Variants in PAX7 observed in about 807,000 individuals in gnomAD.
PAX7 encodes the protein paired box 7.
PAX7 carries 18 observed loss-of-function variants against 50.7 expected under a neutral mutation model. The ratio of observed to expected loss-of-function variants is 0.36; its 90% CI spans 0.25 to 0.53. The LOEUF (loss-of-function observed/expected upper bound fraction) is 0.53, where lower values mean the gene tolerates loss of function less well. PAX7 is among the 20% of genes least tolerant of loss of function. The pLI is 0.93. For synonymous variants in PAX7, 310 were observed against 290.4 expected, an observed-to-expected ratio of 1.07 and a Z score of -0.69; for missense variants, 644 against 702.9, an observed-to-expected ratio of 0.92 and a Z score of 0.95.
chr1:18,735,844 C>A lies in PAX7; in HGVS notation c.1368C>A (p.Pro456=). Residue 456 remains proline, a synonymous_variant, in exon 8 of 9, where the codon CCC becomes CCA. Transcript: ENST00000420770. This position sits in a 1 kb window ranked among gnomAD's most constrained non-coding sequence, Gnocchi z 4.0. The part of the protein sequence containing the change: ...TYSTTGYSVD[P]VAGYQYGQYG... ...GCACCACCGGCTACAGCGTGGACCC[C>A]GTGGCCGGCTATCAGTACGGCCAGT... is the stretch of plus-strand genomic sequence containing the variant. 1 of 1,614,156 alleles carries A rather than the reference C, an allele frequency of 6.2e-7. No homozygotes were observed. Among genetic ancestry groups the A allele is most frequent in the South Asian group, 1.1e-5 (1 of 91,072 alleles).
chr1:18,717,412 A>G (rs2089440499), intron 7 of PAX7, among the ~76,000 whole-genome samples: 1 of 152,086 alleles, frequency 6.6e-6, no homozygotes, highest in Non-Finnish European at 1.5e-5. Flanking sequence ...TCATTAGTTC[A>G]TTAGGGCCTT....
chr1:18,742,538 C>A (rs1022579835), intron 8 of PAX7, among the ~76,000 whole-genome samples: 19 of 152,168 alleles, frequency 1.2e-4, no homozygotes, highest in Admixed American at 1.0e-3. Flanking sequence ...GCCAGGGCTA[C>A]AGAGTCCCCC....
At chr1:18,651,863 T>TCCGGC (rs1397562625) in intron 4 of PAX7, among the ~76,000 whole-genome samples, 1 of 137,618 alleles carries the variant, frequency 7.3e-6, no homozygotes, top group African/African-American at 2.6e-5. Context: ...TGCTGAGGCT[T>TCCGGC]CCGGCCTCTG....
chr1:18,671,215 G>A (rs1486138079), intron 4 of PAX7, among the ~76,000 whole-genome samples: 1 of 152,192 alleles, frequency 6.6e-6, no homozygotes, highest in Non-Finnish European at 1.5e-5. Flanking sequence ...CTGGGCACAA[G>A]GTAGGCAAAG....
At chr1:18,688,845 T>C (rs551314076) in intron 4 of PAX7, among the ~76,000 whole-genome samples, 1 of 152,252 alleles carries the variant, frequency 6.6e-6, no homozygotes, top group Non-Finnish European at 1.5e-5. Flanking sequence ...ACCCGGGAGA[T>C]GGAGGCTGCA....
At chr1:18,637,524 G>A (rs1423542482) in intron 4 of PAX7, among the ~76,000 whole-genome samples, 4 of 152,194 alleles carry the variant, frequency 2.6e-5, no homozygotes, top group South Asian at 2.1e-4. Context: ...CTTGCAAAAA[G>A]CCAGTGTTGT....
chr1:18,695,221 A>AG (rs2089136333), intron 5 of PAX7, among the ~76,000 whole-genome samples: 2 of 128,460 alleles, frequency 1.6e-5, no homozygotes, highest in Non-Finnish European at 3.3e-5. Context: ...AAAAAAAAAG[A>AG]AAAAAAAAGA....
At chr1:18,689,158 C>T (rs931358768) in intron 4 of PAX7, among the ~76,000 whole-genome samples, 1 of 152,184 alleles carries the variant, frequency 6.6e-6, no homozygotes, top group Non-Finnish European at 1.5e-5. Flanking sequence ...GTGCCCCACT[C>T]CCCATCCACG....
chr1:18,725,885 G>T (rs992674257), intron 7 of PAX7, among the ~76,000 whole-genome samples: 3 of 152,230 alleles, frequency 2.0e-5, no homozygotes, highest in Non-Finnish European at 4.4e-5. Context: ...TCTGCCCTGG[G>T]ATGAGGGGCA....
intron 8 of PAX7, among the ~76,000 whole-genome samples, chr1:18,743,048 T>G (rs528982261): frequency 1.3e-4 from 20 of 152,300 alleles, no homozygotes; most frequent in African/African-American, 4.8e-4. Context: ...CCTGCCCCCA[T>G]CAAAGGCCAT....
intron 4 of PAX7, among the ~76,000 whole-genome samples, chr1:18,645,943 C>T (rs2088330999): frequency 6.6e-6 from 1 of 152,244 alleles, no homozygotes; most frequent in African/African-American, 2.4e-5. Flanking sequence ...CCCCGCCTCC[C>T]GCGGTCCTCA....
intron 4 of PAX7, among the ~76,000 whole-genome samples, chr1:18,681,899 C>T (rs2088906977): frequency 6.6e-6 from 1 of 152,098 alleles, no homozygotes; most frequent in East Asian, 1.9e-4. Context: ...ACCAACATGT[C>T]TGGCTAATTT....
rs114348203 is a variant in PAX7, at chr1:18,719,636, C to T, written c.1156-15996C>T. Among the ~76,000 whole-genome samples, 135 of 152,336 alleles carry T rather than the reference C, an allele frequency of 8.9e-4. 1 individual carries two copies. The highest frequency in any genetic ancestry group is 2.6e-3 in the African/African-American group (110 of 41,576). On this transcript the variant is annotated intron_variant, in intron 7 of 8. Transcript: ENST00000420770. ...ACATACTGCCCAGGGGCAGAAGTTC[C>T]GGAGCCTCCCCGGCAAGGGGCTCCC...
At chr1:18,723,252 G>C (rs2089516877) in intron 7 of PAX7, among the ~76,000 whole-genome samples, 1 of 152,182 alleles carries the variant, frequency 6.6e-6, no homozygotes, top group East Asian at 1.9e-4. Context: ...CCGAGGCCCT[G>C]GGGGTGGGGT....
chr1:18,683,646 C>G (rs912985556), intron 4 of PAX7, among the ~76,000 whole-genome samples: 2 of 152,134 alleles, frequency 1.3e-5, no homozygotes, highest in African/African-American at 4.8e-5. Context: ...TTGAGACCAG[C>G]CTGGCCAAAA....
intron 4 of PAX7, among the ~76,000 whole-genome samples, chr1:18,642,700 C>T (rs2088274392): frequency 6.6e-6 from 1 of 152,028 alleles, no homozygotes; most frequent in South Asian, 2.1e-4. Flanking sequence ...CGCTTTCTGA[C>T]CTGCTCTGGA....
intron 4 of PAX7, among the ~76,000 whole-genome samples, chr1:18,677,142 A>G (rs1287672629): frequency 6.6e-6 from 1 of 152,202 alleles, no homozygotes; most frequent in Admixed American, 6.5e-5. Context: ...TTAATCTGGC[A>G]TTCCTGGAGG....
At chr1:18,722,465 T>A (rs571463937) in intron 7 of PAX7, among the ~76,000 whole-genome samples, 1 of 152,334 alleles carries the variant, frequency 6.6e-6, no homozygotes, top group African/African-American at 2.4e-5. Flanking sequence ...TTTTTGCTAA[T>A]TTCGTAGCTG....
At chr1:18,716,381 G>A (rs928388350) in intron 7 of PAX7, among the ~76,000 whole-genome samples, 1 of 151,760 alleles carries the variant, frequency 6.6e-6, no homozygotes, top group Non-Finnish European at 1.5e-5. Flanking sequence ...CCACCCCTCA[G>A]CCCAGCCAGG....
Sources: allele counts gnomAD v4.1 joint callset (sites outside exome capture counted in the v4.1 genomes callset), GRCh38; gene constraint gnomAD v4.1.1; non-coding constraint Gnocchi (gnomAD v3.1); transcripts MANE v1.5; gene names NCBI Gene and HGNC (gene_info 2026-07-23, HGNC 2026-07-21).